The following PCDHGB5 variants were observed in gnomAD, a reference collection of about 807,000 sequenced individuals.
The protein encoded by PCDHGB5 is protocadherin gamma subfamily B, 5.
A neutral mutation model predicts 62.9 loss-of-function variants in PCDHGB5; 48 were observed. The ratio of observed to expected loss-of-function variants is 0.76; its 90% CI spans 0.61 to 0.97. The LOEUF (loss-of-function observed/expected upper bound fraction) is 0.97, where lower values mean the gene tolerates loss of function less well. Ranked by LOEUF, PCDHGB5 falls within the 50% of genes least tolerant of loss-of-function variation. The probability of loss-of-function intolerance (pLI) is 0.00; values close to 1 mark genes in which losing one functional copy is unlikely to be tolerated. For synonymous variants in PCDHGB5, 474 were observed against 511.2 expected, an observed-to-expected ratio of 0.93 and a Z score of 0.98; for missense variants, 1,118 against 1,198.6, an observed-to-expected ratio of 0.93 and a Z score of 0.99.
At position 141,398,970 on chromosome 5, in the gene PCDHGB5, C is replaced by G. The variant is rs1320199481; in HGVS notation, c.843C>G (p.Phe281Leu). The G allele has an allele frequency of 6.2e-7, 1 of 1,613,958 alleles. No individual in the cohort carries two copies. The highest frequency in any genetic ancestry group is 1.1e-5 in the South Asian group (1 of 91,072). The change falls in exon 1 of 4, where the codon TTC becomes TTG. Residue 281 changes from phenylalanine (F) to leucine (L), a missense_variant. By Grantham distance (22) the Phe-to-Leu change is conservative. Around this residue, in one of 2 missense-constraint regions of PCDHGB5, gnomAD observed 1,034 missense variants for 1,029.1 expected, o/e 1.00. Coordinates refer to ENST00000617380, the MANE Select transcript of PCDHGB5 (RefSeq NM_018925.3). ...TCAACTCAGAAATTACTTATTCCTT[C>G]TACAGAACCGGGCAAATCTTTAGTC... ...EGINSEITYSFYRTGQIFSLN... is the reference protein window; with the variant it reads ...EGINSEITYSLYRTGQIFSLN...
Position 141,410,173 on chromosome 5 carries a change from C to G in PCDHGB5, c.2397+9649C>G, listed in dbSNP as rs544938164. ...GTGGACAGCCGCCACTCTCTGCCACCGCCACGCTTCATCTGGTCTTCGCAG... is the reference window on the plus strand; with the variant it reads ...GTGGACAGCCGCCACTCTCTGCCACGGCCACGCTTCATCTGGTCTTCGCAG... On this transcript the variant is annotated intron_variant, in intron 1 of 3. Coordinates refer to ENST00000617380, the MANE Select transcript of PCDHGB5 (RefSeq NM_018925.3). The G allele has an allele frequency of 6.2e-6, 10 of 1,613,842 alleles. No individual in the cohort carries two copies. The African/African-American group carries it at 9.3e-5, about 15-fold the overall frequency.
intron 1 of PCDHGB5, chr5:141,419,492 A>G: frequency 6.2e-7 from 1 of 1,612,358 alleles, no homozygotes; most frequent in South Asian, 1.1e-5. Flanking sequence ...GCTCAGCGCC[A>G]ATGTGAGCCT....
intron 1 of PCDHGB5, chr5:141,404,653 C>A (rs754039673): frequency 2.4e-5 from 39 of 1,614,206 alleles, no homozygotes; most frequent in Non-Finnish European, 3.1e-5. Flanking sequence ...ACCCTGCCCT[C>A]CCCACTGATG....
At chr5:141,408,677 G>A (rs2095149334) in intron 1 of PCDHGB5, 1 of 1,613,898 alleles carries the variant, frequency 6.2e-7, no homozygotes. Flanking sequence ...CCCTGCCACG[G>A]ATCCTGATAT....
intron 1 of PCDHGB5, among the ~76,000 whole-genome samples, chr5:141,425,820 C>T (rs978139996): frequency 6.6e-6 from 1 of 152,156 alleles, no homozygotes; most frequent in Admixed American, 6.5e-5. Flanking sequence ...TAGAAAAAAA[C>T]AAACTTTTAA....
In PCDHGB5 at chr5:141,511,925, G is replaced by C. The variant is rs2099884008; in HGVS notation, c.*752G>C. 1 of 155,320 alleles carries C rather than the reference G, an allele frequency of 6.4e-6. No homozygotes were observed. Among genetic ancestry groups the C allele is most frequent in the Admixed American group, 6.3e-5 (1 of 15,924 alleles). 9.6% of individuals were successfully genotyped at this position (155,320 alleles called of 1,614,324 possible). A position where few individuals can be genotyped will look rare whatever the true frequency, so the allele number is the denominator to read the frequency against. ...CCTCAAACAAGAGACTCCACTGCAT[G>C]TTCCAAGACAGTATGGGGTGGTAAG... On this transcript the variant is annotated 3_prime_UTR_variant, in exon 4 of 4. Coordinates refer to ENST00000617380, the MANE Select transcript of PCDHGB5 (RefSeq NM_018925.3).
In PCDHGB5 at chr5:141,487,519, T is replaced by C. The variant is rs1288070159; in HGVS notation, c.2398-7288T>C. The C allele has an allele frequency of 6.2e-7, 1 of 1,614,046 alleles. No individual in the cohort carries two copies. ...CCTTGGCTTCTGCACCCACTCGGAG[T>C]GATAGCTTCATGATGGTGAAGTCAC... On this transcript the variant is annotated intron_variant, in intron 1 of 3. Transcript: ENST00000617380. The surrounding 1 kb of genome is among the most constrained non-coding windows in gnomAD (Gnocchi z 5.0).
rs548823035 is a variant in PCDHGB5 at position 141,499,447 on chromosome 5, C to T, written c.2456+4582C>T. ...AGAAAAAAAATTAAAAGGAAAACCA[C>T]CCATCATTTTACAATCTAGGGAGAA... On this transcript the variant is annotated intron_variant, in intron 2 of 3. Transcript: ENST00000617380. Among the ~76,000 whole-genome samples the T allele has an allele frequency of 3.8e-4, 58 of 152,250 alleles. 1 individual carries two copies. In the East Asian group the frequency reaches 9.1e-3, roughly 24 times the overall value.
At chr5:141,456,214 G>C (rs552287407) in intron 1 of PCDHGB5, among the ~76,000 whole-genome samples, 8 of 152,136 alleles carry the variant, frequency 5.3e-5, no homozygotes, top group Non-Finnish European at 7.4e-5. Context: ...CCTCCCTGTG[G>C]CGATATCAAA....
chr5:141,422,150 T>C (rs773805631), intron 1 of PCDHGB5: 23 of 1,577,056 alleles, frequency 1.5e-5, no homozygotes, highest in Non-Finnish European at 1.8e-5. Context: ...CGGGGGTCTC[T>C]GGATTTTGAA....
In PCDHGB5 at chr5:141,477,041, C is replaced by A; in HGVS notation, c.2398-17766C>A. 3 of 1,614,242 alleles carry A rather than the reference C, an allele frequency of 1.9e-6. No individual in the cohort carries two copies. Among genetic ancestry groups the A allele is most frequent in the Admixed American group, 1.7e-5 (1 of 60,036 alleles). Reference sequence around the variant, plus strand: ...AACCGGGATGCTGACAATCAAGGGTCGGCTGGACTTCGAGGACACCAAACT... The same window carrying A: ...AACCGGGATGCTGACAATCAAGGGTAGGCTGGACTTCGAGGACACCAAACT... On this transcript the variant is annotated intron_variant, in intron 1 of 3. Transcript: ENST00000617380. The surrounding 1 kb of genome is among the most constrained non-coding windows in gnomAD (Gnocchi z 4.9).
At chr5:141,430,628 C>A in intron 1 of PCDHGB5, 2 of 798,952 alleles carry the variant, frequency 2.5e-6, no homozygotes, top group Non-Finnish European at 3.7e-6. Context: ...TAGGAATGAA[C>A]CATCCCTGGG....
intron 1 of PCDHGB5, chr5:141,411,997 T>A (rs1321898808): frequency 6.6e-6 from 1 of 152,030 alleles, no homozygotes; most frequent in Non-Finnish European, 1.5e-5. Context: ...GAAGGCATAG[T>A]GACATAAACA....
At chr5:141,446,767 G>A (rs891355909) in intron 1 of PCDHGB5, among the ~76,000 whole-genome samples, 12 of 152,118 alleles carry the variant, frequency 7.9e-5, no homozygotes, top group Non-Finnish European at 1.2e-4. Flanking sequence ...GCGCCCAGCC[G>A]GTTACCATTC....
chr5:141,507,915 G>A (rs1324577269), intron 3 of PCDHGB5, among the ~76,000 whole-genome samples: 2 of 152,224 alleles, frequency 1.3e-5, no homozygotes, highest in African/African-American at 4.8e-5. Flanking sequence ...AGCCAGGCCT[G>A]TGGGGCTGCT....
At chr5:141,418,436 G>A in intron 1 of PCDHGB5, 1 of 1,614,000 alleles carries the variant, frequency 6.2e-7, no homozygotes. Flanking sequence ...CAAATATCCA[G>A]AATTAGTATT....
chr5:141,459,232 G>C (rs1293027771), intron 1 of PCDHGB5, among the ~76,000 whole-genome samples: 1 of 152,152 alleles, frequency 6.6e-6, no homozygotes, highest in Non-Finnish European at 1.5e-5. Context: ...GCAACAACTG[G>C]TCTGCTTCCT....
At chr5:141,441,744 G>A (rs913393900) in intron 1 of PCDHGB5, 7 of 366,408 alleles carry the variant, frequency 1.9e-5, no homozygotes, top group African/African-American at 1.1e-4. Context: ...GCTCGCGCTC[G>A]GCGTCAACGT....
At chr5:141,413,724 C>T (rs751084568) in intron 1 of PCDHGB5, 2 of 1,613,426 alleles carry the variant, frequency 1.2e-6, no homozygotes, top group East Asian at 2.2e-5. Context: ...AGCACTTCTC[C>T]CTAAGAGTTC....
Sources: gnomAD v4.1 joint callset for allele counts (sites outside exome capture counted in the v4.1 genomes callset) on GRCh38, gnomAD v4.1.1 for gene constraint, gnomAD v4.1.1 regional missense constraint, Gnocchi (gnomAD v3.1) non-coding constraint, MANE v1.5 for transcripts, NCBI Gene and HGNC (gene_info 2026-07-23, HGNC 2026-07-21) for gene names.